CADPS2: variants seen among roughly 807,000 people sequenced by gnomAD.
The protein encoded by CADPS2 is calcium-dependent secretion activator 2.
A neutral mutation model predicts 172.5 loss-of-function variants in CADPS2; 93 were observed. The observed-to-expected ratio is 0.54, with a 90% CI of 0.46 to 0.64. The LOEUF (loss-of-function observed/expected upper bound fraction) is 0.64. Ranked by LOEUF, CADPS2 falls within the 30% of genes least tolerant of loss-of-function variation. CADPS2 has a pLI of 0.00. For synonymous variants in CADPS2, 546 were observed against 555.2 expected, an observed-to-expected ratio of 0.98 and a Z score of 0.23; for missense variants, 1,420 against 1,565.9, an observed-to-expected ratio of 0.91 and a Z score of 1.57.
chr7:122,494,659 ACATT>A (rs1324922469), intron 9 of CADPS2, among the ~76,000 whole-genome samples: 1 of 151,898 alleles, frequency 6.6e-6, no homozygotes, highest in African/African-American at 2.4e-5. Flanking sequence ...AAAAGAATAT[ACATT>A]ATTTTAAATC....
chr7:122,367,588 A>G (rs1005590696), intron 25 of CADPS2, among the ~76,000 whole-genome samples: 3 of 127,918 alleles, frequency 2.3e-5, no homozygotes, highest in African/African-American at 3.1e-5. Flanking sequence ...TTTGTCACCC[A>G]GGCTGGAGTG....
At position 122,369,236 on chromosome 7, in the gene CADPS2, A is replaced by G. The variant is rs1351698946; in HGVS notation, c.3388-8223T>C. 2.1e-5 allele frequency among the ~76,000 whole-genome samples: 3 copies of G among 142,858 alleles called. No individual in the cohort carries two copies. The Middle Eastern group carries it at 0.012, about 558-fold the overall frequency. 93.7% of individuals were successfully genotyped at this position (142,858 alleles called of 152,430 possible). Reference sequence around the variant, plus strand: ...AAGCTCCGTCTCCCGGGTTCACGCCATTCTCCTGCCTCAGCCTCCCGGTAG... The same window carrying G: ...AAGCTCCGTCTCCCGGGTTCACGCCGTTCTCCTGCCTCAGCCTCCCGGTAG... On this transcript the variant is annotated intron_variant, in intron 25 of 29. Transcript: ENST00000449022.
intron 20 of CADPS2, among the ~76,000 whole-genome samples, chr7:122,406,534 G>C (rs2046661180): frequency 6.6e-6 from 1 of 152,180 alleles, no homozygotes; most frequent in Non-Finnish European, 1.5e-5. Flanking sequence ...CACATGGTGA[G>C]CACTGTGTTC....
chr7:122,639,559 T>C (rs945345631), intron 3 of CADPS2, among the ~76,000 whole-genome samples: 27 of 152,170 alleles, frequency 1.8e-4, no homozygotes, highest in African/African-American at 6.3e-4. Context: ...CACAATTTAT[T>C]ACTTACATAG....
chr7:122,625,747 C>T (rs982957355), intron 4 of CADPS2, among the ~76,000 whole-genome samples: 5 of 152,016 alleles, frequency 3.3e-5, no homozygotes, highest in South Asian at 2.1e-4. Flanking sequence ...ATTCCTTGAA[C>T]GCAATCAATC....
At chr7:122,666,318 T>C (rs1247821529) in intron 2 of CADPS2, among the ~76,000 whole-genome samples, 3 of 151,008 alleles carry the variant, frequency 2.0e-5, no homozygotes, top group African/African-American at 4.9e-5. Flanking sequence ...TTTCCACCTT[T>C]CCATTGCCCT....
chr7:122,716,346 T>C (rs2089594116), intron 2 of CADPS2, among the ~76,000 whole-genome samples: 1 of 152,084 alleles, frequency 6.6e-6, no homozygotes, highest in Admixed American at 6.6e-5. Context: ...CCACACTGCA[T>C]AGGGCAGGCC....
At chr7:122,866,773 G>C (rs1818422315) in intron 1 of CADPS2, among the ~76,000 whole-genome samples, 1 of 152,156 alleles carries the variant, frequency 6.6e-6, no homozygotes, top group Non-Finnish European at 1.5e-5. Flanking sequence ...CAGACAAAGA[G>C]ATGTTTTTAG....
At chr7:122,471,277 T>C in intron 14 of CADPS2, 98 bp downstream of exon 14, 1 of 929,684 alleles carries the variant, frequency 1.1e-6, no homozygotes, top group South Asian at 2.5e-5. Context: ...TGTTTGCTAT[T>C]TACAATCTGT....
intron 3 of CADPS2, among the ~76,000 whole-genome samples, chr7:122,643,505 C>T (rs1474539988): frequency 1.3e-5 from 2 of 152,190 alleles, no homozygotes; most frequent in African/African-American, 2.4e-5. Flanking sequence ...GGGCCTCTCG[C>T]TTTGAGTTTC....
chr7:122,397,280 A>C (rs540152029), intron 20 of CADPS2, among the ~76,000 whole-genome samples: 1 of 152,292 alleles, frequency 6.6e-6, no homozygotes, highest in Admixed American at 6.5e-5. Flanking sequence ...ATTCTAGCCA[A>C]AAGTTTGCTC....
At chr7:122,704,353 T>G (rs73220288) in intron 2 of CADPS2, among the ~76,000 whole-genome samples, 22,981 of 148,444 alleles carry the variant, frequency 0.15, 1,795 homozygotes, top group African/African-American at 0.16. Context: ...ACAGGTAGAC[T>G]TTTTTTTTTT....
chr7:122,581,365 A>T (rs991277922), intron 6 of CADPS2, 75 bp from the exon 7 acceptor site: 10 of 1,124,884 alleles, frequency 8.9e-6, no homozygotes, highest in Non-Finnish European at 1.3e-5. Flanking sequence ...TCTCCATAGA[A>T]GGCAAATTAA....
chr7:122,663,064 T>C (rs1253143492), intron 3 of CADPS2, among the ~76,000 whole-genome samples, 173 bp downstream of exon 3: 1 of 152,214 alleles, frequency 6.6e-6, no homozygotes, highest in African/African-American at 2.4e-5. Context: ...TACCAAATAC[T>C]TTTTTCAAAA....
intron 7 of CADPS2, among the ~76,000 whole-genome samples, chr7:122,570,126 C>T (rs1304823230): frequency 1.3e-5 from 2 of 148,604 alleles, no homozygotes; most frequent in African/African-American, 2.5e-5. Flanking sequence ...TTTTCGCAAC[C>T]TACTCATCTG....
Position 122,320,124 on chromosome 7 carries a change from G to A in CADPS2, c.*41C>T. On this transcript the variant is annotated 3_prime_UTR_variant, in exon 30 of 30. Transcript: ENST00000449022. Reference sequence around the variant, plus strand: ...CAAGGTTAAAAAAATAAAAAACAATGTCGATCAAGGTCTTCCTTCCTTCTG... The same window carrying A: ...CAAGGTTAAAAAAATAAAAAACAATATCGATCAAGGTCTTCCTTCCTTCTG... 6.8e-7 allele frequency: 1 copy of A among 1,480,318 alleles called. No individual in the cohort carries two copies. The highest frequency in any genetic ancestry group is 9.0e-7 in the Non-Finnish European group (1 of 1,109,836). The allele number at this position is 1,480,318 out of a possible 1,614,324, so 91.7% of individuals were successfully genotyped here.
intron 2 of CADPS2, chr7:122,702,472 G>C: frequency 6.2e-7 from 1 of 1,613,704 alleles, no homozygotes. Flanking sequence ...GTTTGGGCCT[G>C]CTGAAATTGG....
At position 122,344,684 on chromosome 7, in the gene CADPS2, A is replaced by ATAG. The variant is rs2150970280; in HGVS notation, c.3612+887_3612+889dup. On this transcript the variant is annotated intron_variant, in intron 28 of 29. Transcript: ENST00000449022. ...ATATCATATTGACTTAAAACATCTTATAGTAGGGACCACATCCATTAGAAC... is the reference window on the plus strand; with the variant it reads ...ATATCATATTGACTTAAAACATCTTATAGTAGTAGGGACCACATCCATTAGAAC... 2.0e-5 allele frequency among the ~76,000 whole-genome samples: 3 copies of ATAG among 152,304 alleles called. No homozygotes were observed. In the East Asian group the frequency reaches 5.8e-4, roughly 29 times the overall value.
chr7:122,631,239 A>C (rs1052819109), intron 3 of CADPS2, among the ~76,000 whole-genome samples: 3 of 152,190 alleles, frequency 2.0e-5, no homozygotes, highest in Non-Finnish European at 4.4e-5. Flanking sequence ...TTGCATATAA[A>C]GAAATTATAT....
Sources: gnomAD v4.1 joint callset for allele counts (sites outside exome capture counted in the v4.1 genomes callset) on GRCh38, gnomAD v4.1.1 for gene constraint, MANE v1.5 for transcripts, NCBI Gene and HGNC (gene_info 2026-07-23, HGNC 2026-07-21) for gene names.